USP44: variants seen among roughly 807,000 people sequenced by gnomAD.
USP44 encodes the protein ubiquitin carboxyl-terminal hydrolase 44.
USP44 carries 61 observed loss-of-function variants against 69.0 expected under a neutral mutation model. That is an observed-to-expected ratio of 0.88 (90% confidence interval 0.72 to 1.09). The LOEUF (loss-of-function observed/expected upper bound fraction) is 1.09. USP44 is among the 50% of genes least tolerant of loss of function. USP44 has a pLI of 0.00. For missense variants in USP44, 753 were observed against 849.9 expected (o/e 0.89, Z 1.42); for synonymous variants, 297 against 295.4 (o/e 1.01, Z -0.06).
chr12:95,541,874 ATTT>A (rs34060895), intron 1 of USP44, among the ~76,000 whole-genome samples: 89 of 99,524 alleles, frequency 8.9e-4, no homozygotes, highest in African/African-American at 2.3e-3. Context: ...TATCATCTCC[ATTT>A]TTTTTTTTTT....
intron 5 of USP44, among the ~76,000 whole-genome samples, chr12:95,519,897 A>T (rs1288690097): frequency 2.7e-5 from 4 of 147,022 alleles, no homozygotes; most frequent in Non-Finnish European, 4.5e-5. Flanking sequence ...AAAATTAGCC[A>T]GGCGTGGTGG....
intron 4 of USP44, among the ~76,000 whole-genome samples, chr12:95,521,752 G>A (rs890433317): frequency 3.3e-5 from 5 of 152,158 alleles, no homozygotes; most frequent in Non-Finnish European, 7.3e-5. Flanking sequence ...CTTCCAAAGC[G>A]CTGGGATTAC....
intron 5 of USP44, 123 bp from the exon 6 acceptor site, chr12:95,518,476 T>C (rs1356466095): frequency 1.0e-6 from 1 of 984,448 alleles, no homozygotes; most frequent in Admixed American, 2.7e-5. Context: ...TTTTCTTTAA[T>C]GAGAAATATA....
intron 5 of USP44, among the ~76,000 whole-genome samples, chr12:95,519,155 A>G (rs1353950987): frequency 6.6e-6 from 1 of 152,212 alleles, no homozygotes; most frequent in East Asian, 1.9e-4. Flanking sequence ...AAACCACCAG[A>G]CTGTCCATAT....
At chr12:95,520,433 A>T (rs1169322129) in intron 5 of USP44, among the ~76,000 whole-genome samples, 1 of 152,126 alleles carries the variant, frequency 6.6e-6, no homozygotes, top group Non-Finnish European at 1.5e-5. Flanking sequence ...CAGAGGTTGC[A>T]GTGAGCTGAG....
intron 1 of USP44, among the ~76,000 whole-genome samples, chr12:95,550,223 A>T (rs2077701134): frequency 6.6e-6 from 1 of 151,604 alleles, no homozygotes; most frequent in Non-Finnish European, 1.5e-5. Flanking sequence ...TAACACAGGA[A>T]GTTCTTATGT....
In USP44 at chr12:95,518,009, T is replaced by C. The variant is rs2076528612; in HGVS notation, c.*145A>G. On this transcript the variant is annotated 3_prime_UTR_variant, in exon 6 of 6. Transcript: ENST00000258499. ...CTTCAGTTGATATATACATTTATAC[T>C]TTGTAAAAAAAAAAATTGTTAGATA... is the stretch of plus-strand genomic sequence containing the variant. 1.2e-6 allele frequency: 1 copy of C among 869,052 alleles called. No homozygotes were observed. The highest frequency in any genetic ancestry group is 1.7e-6 in the Non-Finnish European group (1 of 594,078). The allele number at this position is 869,052 out of a possible 1,614,324, so 53.8% of individuals were successfully genotyped here. A position where few individuals can be genotyped will look rare whatever the true frequency, so the allele number is the denominator to read the frequency against.
chr12:95,550,224 GTTCT>G (rs2077701304), intron 1 of USP44, among the ~76,000 whole-genome samples: 1 of 147,402 alleles, frequency 6.8e-6, no homozygotes, highest in South Asian at 2.2e-4. Flanking sequence ...AACACAGGAA[GTTCT>G]TATGTTAACA....
intron 2 of USP44, among the ~76,000 whole-genome samples, chr12:95,530,535 GAGTGTATT>G (rs2076983876): frequency 6.6e-6 from 1 of 152,086 alleles, no homozygotes; most frequent in East Asian, 1.9e-4. Context: ...AGTTCCCTAA[GAGTGTATT>G]AAAGAAAGAG....
At chr12:95,540,330 C>T (rs1377225534) in intron 1 of USP44, among the ~76,000 whole-genome samples, 1 of 149,916 alleles carries the variant, frequency 6.7e-6, no homozygotes, top group Non-Finnish European at 1.5e-5. Context: ...TTTACTCCTC[C>T]CTTCCATCCA....
chr12:95,524,609 A>T, intron 4 of USP44, 71 bp downstream of exon 4: 1 of 1,169,956 alleles, frequency 8.5e-7, no homozygotes, highest in South Asian at 1.7e-5. Flanking sequence ...AAATTATAAC[A>T]TGCATTCTTT....
rs71082032 is a variant in USP44, at chr12:95,534,677, C to CTT, written c.-70-353_-70-352dup. On this transcript the variant is annotated intron_variant, in intron 1 of 5. Coordinates refer to ENST00000258499, the MANE Select transcript of USP44 (RefSeq NM_032147.5). ...AGGGCAGTTTCCAAAACTGCATTCCCTTTTTTTTTTTTTTTTGAGACAGAG... is the reference window on the plus strand; with the variant it reads ...AGGGCAGTTTCCAAAACTGCATTCCCTTTTTTTTTTTTTTTTTTGAGACAGAG... 2.5e-3 allele frequency among the ~76,000 whole-genome samples: 351 copies of CTT among 142,222 alleles called. 1 individual carries two copies. Among genetic ancestry groups the CTT allele is most frequent in the African/African-American group, 8.4e-3 (323 of 38,246 alleles). The allele number at this position is 142,222 out of a possible 152,430, so 93.3% of individuals were successfully genotyped here. A position where few individuals can be genotyped will look rare whatever the true frequency, so the allele number is the denominator to read the frequency against.
intron 5 of USP44, among the ~76,000 whole-genome samples, chr12:95,519,668 G>A (rs1336080872): frequency 5.4e-5 from 8 of 149,192 alleles, no homozygotes; most frequent in Admixed American, 1.3e-4. Flanking sequence ...TCCTGACCTC[G>A]TGATCCACCC....
rs539142667 is a variant in USP44, at chr12:95,550,147, A to T, written c.-71+1125T>A. Among the ~76,000 whole-genome samples the T allele has an allele frequency of 4.0e-5, 6 of 150,032 alleles. No individual in the cohort carries two copies. The South Asian group carries it at 1.3e-3, about 32-fold the overall frequency. Reference sequence around the variant, plus strand: ...TGAGCCTAGATCCACAATTGCACTCAAGCCTGGGCAGCAACAAGAGCGAAA... The same window carrying T: ...TGAGCCTAGATCCACAATTGCACTCTAGCCTGGGCAGCAACAAGAGCGAAA... On this transcript the variant is annotated intron_variant, in intron 1 of 5. Transcript: ENST00000258499.
At chr12:95,532,178 T>TTTTTTTC (rs1555200235) in intron 2 of USP44, among the ~76,000 whole-genome samples, 11 of 149,026 alleles carry the variant, frequency 7.4e-5, no homozygotes, top group African/African-American at 2.7e-4. Flanking sequence ...TTTTTTTTTT[T>TTTTTTTC]TTTTTTTGAG....
At position 95,530,681 on chromosome 12, in the gene USP44, A is replaced by AGATAGATAGATG. The variant is rs749734069; in HGVS notation, c.1429-1680_1429-1679insCATCTATCTATC. ...TAGATAGATAGATAGATAGATAGAT[A>AGATAGATAGATG]GATAGATAGATATAAAAGAAAAACA... On this transcript the variant is annotated intron_variant, in intron 2 of 5. Coordinates refer to ENST00000258499, the MANE Select transcript of USP44 (RefSeq NM_032147.5). 2.0e-5 allele frequency among the ~76,000 whole-genome samples: 3 copies of AGATAGATAGATG among 152,034 alleles called. No individual in the cohort carries two copies. The East Asian group carries it at 5.8e-4, about 29-fold the overall frequency.
At position 95,533,093 on chromosome 12, in the gene USP44, C is replaced by T; in HGVS notation, c.1164G>A (p.Leu388=). 1 of 1,614,206 alleles carries T rather than the reference C, an allele frequency of 6.2e-7. No homozygotes were observed. The highest frequency in any genetic ancestry group is 8.5e-7 in the Non-Finnish European group (1 of 1,180,030). ...YISLCHELHT[L]FQVMWSGKWA... ...ACTTTCCAGACCACATGACTTGGAA[C>T]AAAGTATGCAATTCATGACAAAGAG... Residue 388 remains leucine (L), a synonymous_variant, in exon 2 of 6, where the codon TTG becomes TTA. Coordinates refer to ENST00000258499, the MANE Select transcript of USP44 (RefSeq NM_032147.5).
intron 4 of USP44, among the ~76,000 whole-genome samples, chr12:95,523,438 C>T (rs1396301797): frequency 6.6e-6 from 1 of 152,130 alleles, no homozygotes; most frequent in Non-Finnish European, 1.5e-5. Context: ...AGCTCGCATC[C>T]ACTGCAGAAC....
chr12:95,544,182 G>T (rs1264619330), intron 1 of USP44, among the ~76,000 whole-genome samples: 1 of 147,734 alleles, frequency 6.8e-6, no homozygotes, highest in Admixed American at 6.8e-5. Context: ...AGCCTCCCAA[G>T]TAGCTGGGAC....
Sources: gnomAD v4.1 joint callset for allele counts (sites outside exome capture counted in the v4.1 genomes callset) on GRCh38, gnomAD v4.1.1 for gene constraint, MANE v1.5 for transcripts, NCBI Gene and HGNC (gene_info 2026-07-23, HGNC 2026-07-21) for gene names.